Variants in TBXAS1 observed in about 807,000 individuals in gnomAD.
TBXAS1 encodes thromboxane-A synthase.
Under a neutral mutation model 60.7 loss-of-function variants are expected in TBXAS1, and 48 were observed. The ratio of observed to expected loss-of-function variants is 0.79; its 90% confidence interval spans 0.63 to 1.01. TBXAS1 has a LOEUF of 1.01. Among genes scored for constraint, TBXAS1 ranks in the 50% least tolerant of loss-of-function variants. The pLI, the probability that TBXAS1 is intolerant of heterozygous loss-of-function variation, is 0.00. For missense variants in TBXAS1, 685 were observed against 686.3 expected, an observed-to-expected ratio of 1.00 and a Z score of 0.02; for synonymous variants, 287 against 269.7, an observed-to-expected ratio of 1.06 and a Z score of -0.63.
intron 4 of TBXAS1, among the ~76,000 whole-genome samples, chr7:139,788,869 C>T (rs559426773): frequency 2.6e-5 from 4 of 152,300 alleles, no homozygotes; most frequent in African/African-American, 9.6e-5. Flanking sequence ...GCCTTTAGTG[C>T]CCAGCAGAAG....
intron 3 of TBXAS1, among the ~76,000 whole-genome samples, chr7:139,890,549 TC>T (rs1344056824): frequency 1.3e-5 from 2 of 151,970 alleles, no homozygotes; most frequent in East Asian, 1.9e-4. Context: ...AGAACATTTT[TC>T]CCCCCAGAGT....
In TBXAS1 at chr7:139,872,075, C is replaced by G. The variant is rs1199617444; in HGVS notation, c.90-160C>G. On this transcript the variant is annotated intron_variant, in intron 1 of 12. Transcript: ENST00000448866. ...TGACTGGACTCCTATTCTACTCACT[C>G]AACTCTAGGCCTCCAATTTTTTGGT... Among the ~76,000 whole-genome samples the G allele has an allele frequency of 2.6e-5, 4 of 152,212 alleles. No individual in the cohort carries two copies. In the East Asian group the frequency reaches 7.7e-4, roughly 29 times the overall value.
At position 139,878,195 on chromosome 7, in the gene TBXAS1, GAGAAAGAGAT is replaced by G. The variant is rs1005753322; in HGVS notation, c.236+2572_236+2581del. Among the ~76,000 whole-genome samples the G allele has an allele frequency of 6.9e-5, 9 of 130,770 alleles. No homozygotes were observed. In the South Asian group the frequency reaches 8.2e-4, roughly 12 times the overall value. 85.8% of individuals were successfully genotyped at this position (130,770 alleles called of 152,430 possible). ...AGAGAAAAGGAGAGAGAAAGAGACA[GAGAAAGAGAT>G]AGAAAGAGATAGAGAGAGATAGAAG... On this transcript the variant is annotated intron_variant, in intron 3 of 12. Coordinates refer to ENST00000448866, the MANE Select transcript of TBXAS1 (RefSeq NM_001061.7).
intron 4 of TBXAS1, among the ~76,000 whole-genome samples, chr7:139,799,126 T>C (rs1007510008): frequency 6.7e-6 from 1 of 148,876 alleles, no homozygotes; most frequent in Non-Finnish European, 1.5e-5. Context: ...CAGAGTATAG[T>C]GGTGCAATCC....
intron 3 of TBXAS1, among the ~76,000 whole-genome samples, chr7:139,895,730 C>G (rs1411138005): frequency 6.6e-6 from 1 of 152,174 alleles, no homozygotes; most frequent in East Asian, 1.9e-4. Flanking sequence ...GCAGAATCAC[C>G]AGGTTGAAGT....
In TBXAS1 at chr7:139,962,247, G is replaced by A. The variant is rs770232423; in HGVS notation, c.1134+14G>A. ...AAGGAGAAACACGTGAGTACAAGTT[G>A]GATCCAGTTACCCATGGGATATCCA... On this transcript the variant is annotated intron_variant, in intron 9 of 12. Transcript: ENST00000448866. 6 of 1,613,884 alleles carry A rather than the reference G, an allele frequency of 3.7e-6. No homozygotes were observed. Among genetic ancestry groups the A allele is most frequent in the Non-Finnish European group, 4.2e-6 (5 of 1,179,998 alleles).
intron 4 of TBXAS1, among the ~76,000 whole-genome samples, chr7:139,925,737 G>C (rs752141297): frequency 2.6e-5 from 4 of 152,110 alleles, no homozygotes; most frequent in Non-Finnish European, 5.9e-5. Context: ...TTGGAGGAAA[G>C]GTTTTCAGTT....
At chr7:139,886,386 ATTTTTTTTTTT>A (rs8192818) in intron 3 of TBXAS1, among the ~76,000 whole-genome samples, 6 of 99,636 alleles carry the variant, frequency 6.0e-5, no homozygotes, top group Non-Finnish European at 8.0e-5. Context: ...TTGCAGATGA[ATTTTTTTTTTT>A]TTTTTTTTTT....
chr7:139,857,057 C>T (rs955910354), intron 1 of TBXAS1, among the ~76,000 whole-genome samples: 1 of 152,182 alleles, frequency 6.6e-6, no homozygotes, highest in African/African-American at 2.4e-5. Flanking sequence ...CAAGTTTACT[C>T]TGGGGACCCC....
At chr7:139,822,326 G>T (rs74434229) in intron 4 of TBXAS1, among the ~76,000 whole-genome samples, 263 of 151,796 alleles carry the variant, frequency 1.7e-3, no homozygotes, top group African/African-American at 6.3e-3. Context: ...CTTTGGTATT[G>T]CCCTGTAAGG....
At chr7:139,798,410 G>C (rs1475119226) in intron 4 of TBXAS1, among the ~76,000 whole-genome samples, 1 of 152,194 alleles carries the variant, frequency 6.6e-6, no homozygotes, top group African/African-American at 2.4e-5. Flanking sequence ...GAGGAAGCCA[G>C]GTGTATTGTT....
rs752651674 is a variant in TBXAS1, at chr7:139,955,565, T to TG, written c.646_647insG (p.Phe216CysfsTer31). On this transcript the variant is annotated frameshift_variant, in exon 7 of 13. Coordinates refer to ENST00000448866, the MANE Select transcript of TBXAS1 (RefSeq NM_001061.7). LOFTEE classifies it high-confidence loss of function. The stretch of plus-strand genomic sequence containing the variant: ...TCCCTTTGTGAAACACTGCAAGCGT[T>TG]TCTTCGAATTCTGCATCCCCAGACC... The TG allele has an allele frequency of 1.4e-5, 23 of 1,614,082 alleles. No homozygotes were observed. The highest frequency in any genetic ancestry group is 1.8e-5 in the Non-Finnish European group (21 of 1,180,036).
At chr7:139,855,655 G>C (rs1800530226) in intron 1 of TBXAS1, among the ~76,000 whole-genome samples, 1 of 152,150 alleles carries the variant, frequency 6.6e-6, no homozygotes, top group South Asian at 2.1e-4. Flanking sequence ...GGGAGGTTTT[G>C]TCGTCCCAGA....
intron 9 of TBXAS1, among the ~76,000 whole-genome samples, chr7:139,971,576 C>T (rs2117446022): frequency 6.6e-6 from 1 of 152,290 alleles, no homozygotes; most frequent in Non-Finnish European, 1.5e-5. Context: ...GTCATCTGGG[C>T]TGCAAATGGG....
At chr7:139,818,000 G>T (rs978286728) in intron 4 of TBXAS1, among the ~76,000 whole-genome samples, 1 of 152,190 alleles carries the variant, frequency 6.6e-6, no homozygotes, top group Non-Finnish European at 1.5e-5. Context: ...AACATTTCGT[G>T]ATCACCTACT....
intron 4 of TBXAS1, among the ~76,000 whole-genome samples, chr7:139,793,756 G>T (rs1489946335): frequency 1.3e-5 from 2 of 152,198 alleles, no homozygotes; most frequent in Non-Finnish European, 2.9e-5. Flanking sequence ...CATTTACAAA[G>T]TGCTTTACAG....
chr7:139,817,351 C>T (rs867012446), intron 4 of TBXAS1, among the ~76,000 whole-genome samples: 5 of 152,116 alleles, frequency 3.3e-5, no homozygotes, highest in Admixed American at 6.5e-5. Context: ...CACAAGACGC[C>T]GCCAGCAAGT....
At chr7:139,909,118 T>C (rs910231281) in intron 3 of TBXAS1, among the ~76,000 whole-genome samples, 3 of 152,218 alleles carry the variant, frequency 2.0e-5, no homozygotes, top group Non-Finnish European at 4.4e-5. Context: ...TTTTTTAGTT[T>C]TCAGAAGTTT....
At chr7:139,992,612 G>A (rs775476264) in intron 9 of TBXAS1, among the ~76,000 whole-genome samples, 11 of 152,250 alleles carry the variant, frequency 7.2e-5, no homozygotes, top group Non-Finnish European at 1.5e-5. Context: ...CCTGGAGAGA[G>A]GCCTGGTTTC....
Sources: allele counts gnomAD v4.1 joint callset (sites outside exome capture counted in the v4.1 genomes callset), GRCh38; gene constraint gnomAD v4.1.1; transcripts MANE v1.5; gene names NCBI Gene and HGNC (gene_info 2026-07-23, HGNC 2026-07-21).